The following TMIGD1 variants were observed in gnomAD, a reference collection of about 807,000 sequenced individuals.
TMIGD1 encodes transmembrane and immunoglobulin domain containing 1, also known as transmembrane and immunoglobulin domain-containing protein 1.
A neutral mutation model predicts 27.5 loss-of-function variants in TMIGD1; 29 were observed. The ratio of observed to expected loss-of-function variants is 1.05; its 90% confidence interval spans 0.78 to 1.44. TMIGD1 has a LOEUF of 1.44. Among genes scored for constraint, TMIGD1 ranks in the 40% most tolerant of loss-of-function variants. TMIGD1 has a pLI of 0.00. For synonymous variants in TMIGD1, 109 were observed against 110.3 expected (o/e 0.99, Z 0.07); for missense variants, 334 against 310.6 (o/e 1.08, Z -0.57).
intron 2 of TMIGD1, among the ~76,000 whole-genome samples, chr17:30,329,936 T>C (rs1909920960): frequency 6.7e-6 from 1 of 148,498 alleles, no homozygotes; most frequent in Admixed American, 6.7e-5. Context: ...AAAAAAAACA[T>C]TAGCCAGGCA....
chr17:30,327,736 C>T (rs950458061), intron 3 of TMIGD1, among the ~76,000 whole-genome samples: 10 of 131,480 alleles, frequency 7.6e-5, no homozygotes, highest in African/African-American at 2.7e-4. Context: ...ATTAAAAACA[C>T]ACCTTATTTT....
At chr17:30,330,031 G>A (rs1488881317) in intron 2 of TMIGD1, among the ~76,000 whole-genome samples, 1 of 152,148 alleles carries the variant, frequency 6.6e-6, no homozygotes, top group Non-Finnish European at 1.5e-5. Flanking sequence ...GTTGCAGTGA[G>A]CCAAGATCGC....
chr17:30,318,934 G>A, intron 4 of TMIGD1, 21 bp from the exon 5 acceptor site: 1 of 1,540,904 alleles, frequency 6.5e-7, no homozygotes, highest in Non-Finnish European at 9.0e-7. Flanking sequence ...TGCAAACACA[G>A]GGAATAAGAA....
At chr17:30,322,590 T>C (rs1909654870) in intron 4 of TMIGD1, among the ~76,000 whole-genome samples, 1 of 152,074 alleles carries the variant, frequency 6.6e-6, no homozygotes, top group Admixed American at 6.5e-5. Context: ...ACCTCTGCCT[T>C]CTGGTTTCAA....
In TMIGD1 at chr17:30,332,004, G is replaced by A. The variant is rs113631244; in HGVS notation, c.82+48C>T. On this transcript the variant is annotated intron_variant, in intron 2 of 6. Coordinates refer to ENST00000328886, the MANE Select transcript of TMIGD1 (RefSeq NM_206832.3). ...TGCCCATTGATCACTTTTCTTAATC[G>A]GAAATTTTTCTTTATCTAAAAAGAG... is the stretch of plus-strand genomic sequence containing the variant. The A allele has an allele frequency of 1.1e-4, 151 of 1,368,962 alleles. No homozygotes were observed. In the African/African-American group the frequency reaches 1.5e-3, roughly 13 times the overall value. The allele number at this position is 1,368,962 out of a possible 1,614,324, so 84.8% of individuals were successfully genotyped here.
chr17:30,324,686 G>A, intron 4 of TMIGD1, 130 bp downstream of exon 4: 1 of 1,112,348 alleles, frequency 9.0e-7, no homozygotes, highest in African/African-American at 1.6e-5. Flanking sequence ...CCTTGGATGG[G>A]GATGATTCTC....
chr17:30,322,233 A>C (rs968406171), intron 4 of TMIGD1, among the ~76,000 whole-genome samples: 4 of 152,300 alleles, frequency 2.6e-5, no homozygotes, highest in African/African-American at 9.6e-5. Context: ...TCATGAAGGT[A>C]TGGGTCATAT....
At chr17:30,317,019 C>G in intron 6 of TMIGD1, 174 bp downstream of exon 6, 1 of 754,636 alleles carries the variant, frequency 1.3e-6, no homozygotes, top group Non-Finnish European at 2.2e-6. Flanking sequence ...TTCTAGGCAA[C>G]TTTTCAACCT....
chr17:30,323,973 G>A (rs1909695515), intron 4 of TMIGD1, among the ~76,000 whole-genome samples: 1 of 152,214 alleles, frequency 6.6e-6, no homozygotes, highest in African/African-American at 2.4e-5. Context: ...TTCCCCTCAA[G>A]GGGAAGCAAA....
rs897283686 is a variant in TMIGD1, at chr17:30,325,210, A to G, written c.362-116T>C. The G allele has an allele frequency of 5.4e-6, 6 of 1,104,748 alleles. No homozygotes were observed. The East Asian group carries it at 1.5e-4, about 27-fold the overall frequency. 68.4% of individuals were successfully genotyped at this position (1,104,748 alleles called of 1,614,324 possible). A position where few individuals can be genotyped will look rare whatever the true frequency, so the allele number is the denominator to read the frequency against. Reference sequence around the variant, plus strand: ...TCATTTATTCATTTGACAAAAATTTATTAAATACGTACGGTGTGACAAGCA... The same window carrying G: ...TCATTTATTCATTTGACAAAAATTTGTTAAATACGTACGGTGTGACAAGCA... On this transcript the variant is annotated intron_variant, in intron 3 of 6. Transcript: ENST00000328886.
chr17:30,330,576 G>A (rs1909943030), intron 2 of TMIGD1, among the ~76,000 whole-genome samples: 1 of 152,120 alleles, frequency 6.6e-6, no homozygotes, highest in African/African-American at 2.4e-5. Flanking sequence ...GACAAATTGG[G>A]TCTTGCATCT....
chr17:30,330,704 T>C (rs1909948172), intron 2 of TMIGD1, among the ~76,000 whole-genome samples: 1 of 152,212 alleles, frequency 6.6e-6, no homozygotes, highest in Non-Finnish European at 1.5e-5. Flanking sequence ...ACCAGGTTTT[T>C]TTTGTTTTGT....
At chr17:30,317,136 ATCACTGCTAT>A in intron 6 of TMIGD1, 47 bp downstream of exon 6, 2 of 1,574,918 alleles carry the variant, frequency 1.3e-6, no homozygotes, top group South Asian at 1.1e-5. Context: ...AGTGATGCAT[ATCACTGCTAT>A]TCATCTGCTT....
intron 6 of TMIGD1, 113 bp downstream of exon 6, chr17:30,317,080 G>A: frequency 1.6e-6 from 2 of 1,258,244 alleles, no homozygotes; most frequent in Non-Finnish European, 2.3e-6. Flanking sequence ...ATTCTCCTTT[G>A]AACCCCTTCC....
At chr17:30,333,943 C>T (rs1910066159) in intron 1 of TMIGD1, 57 bp downstream of exon 1, 1 of 152,420 alleles carries the variant, frequency 6.6e-6, no homozygotes, top group South Asian at 2.1e-4. Flanking sequence ...CCTCACTTGG[C>T]TTGTTTTTAA....
At chr17:30,322,311 T>C (rs1909645043) in intron 4 of TMIGD1, among the ~76,000 whole-genome samples, 2 of 152,178 alleles carry the variant, frequency 1.3e-5, no homozygotes, top group South Asian at 4.1e-4. Context: ...ACTAGCCAGC[T>C]CTGGGACACA....
intron 4 of TMIGD1, among the ~76,000 whole-genome samples, chr17:30,321,169 T>C (rs1353875399): frequency 6.6e-6 from 1 of 151,884 alleles, no homozygotes; most frequent in East Asian, 1.9e-4. Flanking sequence ...ACCCCTTTTT[T>C]TTTTTTTTTA....
In TMIGD1 at chr17:30,317,092, C is replaced by T. The variant is rs2143124803; in HGVS notation, c.785+101G>A. 2.2e-6 allele frequency: 3 copies of T among 1,354,570 alleles called. No homozygotes were observed. In the South Asian group the frequency reaches 3.5e-5, roughly 16 times the overall value. 83.9% of individuals were successfully genotyped at this position (1,354,570 alleles called of 1,614,324 possible). On this transcript the variant is annotated intron_variant, in intron 6 of 6. Coordinates refer to ENST00000328886, the MANE Select transcript of TMIGD1 (RefSeq NM_206832.3). Reference sequence around the variant, plus strand: ...TCTATTCTCCTTTGAACCCCTTCCCCTTCCAGCACCTCCCATCTCTGGAGT... The same window carrying T: ...TCTATTCTCCTTTGAACCCCTTCCCTTTCCAGCACCTCCCATCTCTGGAGT...
intron 5 of TMIGD1, among the ~76,000 whole-genome samples, chr17:30,318,101 A>C (rs1174630895): frequency 6.6e-6 from 1 of 152,002 alleles, no homozygotes; most frequent in Non-Finnish European, 1.5e-5. Flanking sequence ...GGAAGACAGA[A>C]AGAAAGAAAG....
Sources: allele counts gnomAD v4.1 joint callset (sites outside exome capture counted in the v4.1 genomes callset), GRCh38; gene constraint gnomAD v4.1.1; transcripts MANE v1.5; gene names NCBI Gene and HGNC (gene_info 2026-07-23, HGNC 2026-07-21).